Variants in KMT2C observed in about 807,000 individuals in gnomAD.
KMT2C encodes lysine methyltransferase 2C.
A neutral mutation model predicts 507.9 loss-of-function variants in KMT2C; 88 were observed. The ratio of observed to expected loss-of-function variants is 0.17; its 90% CI spans 0.15 to 0.21. The LOEUF (loss-of-function observed/expected upper bound fraction) is 0.21. KMT2C is among the 10% of genes least tolerant of loss of function. The pLI is 1.00. For missense variants in KMT2C, 4,954 were observed against 5,957.8 expected (o/e 0.83, Z 5.55); for synonymous variants, 2,049 against 2,080.8 (o/e 0.98, Z 0.42).
chr7:152,409,550 T>C (rs1387986658), intron 1 of KMT2C, among the ~76,000 whole-genome samples: 5 of 145,234 alleles, frequency 3.4e-5, no homozygotes, highest in Admixed American at 6.9e-5. Flanking sequence ...AAACCCCATG[T>C]CTGCTAAAAA....
chr7:152,142,978 A>G (rs2090741301), intron 55 of KMT2C, among the ~76,000 whole-genome samples: 1 of 152,230 alleles, frequency 6.6e-6, no homozygotes, highest in Non-Finnish European at 1.5e-5. Context: ...AAATAAGTAA[A>G]GAGACAGAAA....
rs375641324 is a variant in KMT2C at position 152,315,140 on chromosome 7, T to C, written c.588A>G (p.Arg196=). 6.2e-7 allele frequency: 1 copy of C among 1,613,560 alleles called. No individual in the cohort carries two copies. Among genetic ancestry groups the C allele is most frequent in the Non-Finnish European group, 8.5e-7 (1 of 1,179,674 alleles). Residue 196 remains arginine (R), a splice_region_variant and synonymous_variant, in exon 4 of 59, where the codon AGA becomes AGG. Coordinates refer to ENST00000262189, the MANE Select transcript of KMT2C (RefSeq NM_170606.3). ...CATTTAAAGTCGAAACTGCTTACTT[T>C]CTCTGTCCTCTTTGTTTTCGTGGTG... The part of the protein sequence containing the change: ...NSAPRKQRGQ[R]KERSPQQNIV...
intron 9 of KMT2C, among the ~76,000 whole-genome samples, chr7:152,259,530 C>CTA (rs574435429): frequency 3.0e-4 from 45 of 150,788 alleles, no homozygotes; most frequent in African/African-American, 1.0e-3. Flanking sequence ...CAATGAAATG[C>CTA]TAACAACTGA....
intron 7 of KMT2C, among the ~76,000 whole-genome samples, chr7:152,267,499 T>A (rs1387184328): frequency 1.3e-5 from 2 of 152,182 alleles, no homozygotes; most frequent in Admixed American, 1.3e-4. Flanking sequence ...ACATCATTCT[T>A]CCTTGTATGT....
At chr7:152,290,258 G>GTATATATATATATA (rs746466676) in intron 6 of KMT2C, among the ~76,000 whole-genome samples, 14 of 26,260 alleles carry the variant, frequency 5.3e-4, no homozygotes, top group Admixed American at 1.6e-3. Flanking sequence ...GTGTGTATGT[G>GTATATATATATATA]TATATATATA....
chr7:152,380,216 G>A (rs1240166162), intron 1 of KMT2C, among the ~76,000 whole-genome samples: 1 of 148,492 alleles, frequency 6.7e-6, no homozygotes, highest in African/African-American at 2.5e-5. Context: ...CTCCAGGATG[G>A]GCAACAGAGC....
chr7:152,220,981 G>C (rs1371020506), intron 22 of KMT2C, among the ~76,000 whole-genome samples: 4 of 152,300 alleles, frequency 2.6e-5, no homozygotes, highest in Admixed American at 2.0e-4. Flanking sequence ...TGGGCCAGGT[G>C]CAGGGGCTCA....
chr7:152,297,055 C>CAGACAGAAAGAGAGAG (rs1315629061), intron 6 of KMT2C, among the ~76,000 whole-genome samples: 17 of 84,430 alleles, frequency 2.0e-4, no homozygotes, highest in African/African-American at 8.2e-4. Flanking sequence ...GAAAGAAAGA[C>CAGACAGAAAGAGAGAG]AGAGAGAGAG....
intron 2 of KMT2C, among the ~76,000 whole-genome samples, chr7:152,358,197 CCATAACGAAACATACTA>C (rs2097167799): frequency 6.6e-6 from 1 of 152,156 alleles, no homozygotes; most frequent in African/African-American, 2.4e-5. Context: ...AATATTAATT[CCATAACGAAACATACTA>C]CTTTTTTCAG....
intron 6 of KMT2C, among the ~76,000 whole-genome samples, chr7:152,295,869 A>G (rs1339790298): frequency 6.6e-6 from 1 of 151,532 alleles, no homozygotes; most frequent in Non-Finnish European, 1.5e-5. Flanking sequence ...GATCGAGACC[A>G]TCCTAGCTAA....
chr7:152,391,142 C>CAAAAA (rs1195125465), intron 1 of KMT2C, among the ~76,000 whole-genome samples: 3,241 of 34,652 alleles, frequency 0.094, 830 homozygotes, highest in Middle Eastern at 0.18. Flanking sequence ...AGACTGTCTC[C>CAAAAA]AAAAAAAAAA....
intron 2 of KMT2C, among the ~76,000 whole-genome samples, chr7:152,348,873 CA>C (rs2129224820): frequency 6.6e-6 from 1 of 152,216 alleles, no homozygotes; most frequent in East Asian, 1.9e-4. Context: ...TGCAAAATGG[CA>C]CAGCCACTTT....
chr7:152,373,204 C>G (rs554712974), intron 1 of KMT2C, among the ~76,000 whole-genome samples: 1 of 152,242 alleles, frequency 6.6e-6, no homozygotes, highest in East Asian at 1.9e-4. Flanking sequence ...ACGGGTTCCG[C>G]ATCTGTAAAT....
rs548597126 is a variant in KMT2C, at chr7:152,368,623, A to G, written c.162-9948T>C. 2.1e-5 allele frequency: 30 copies of G among 1,457,590 alleles called. No individual in the cohort carries two copies. In the African/African-American group the frequency reaches 3.9e-4, roughly 19 times the overall value. The allele number at this position is 1,457,590 out of a possible 1,614,324, so 90.3% of individuals were successfully genotyped here. Reference sequence around the variant, plus strand: ...TATTTTAGAACAGAACTCTTCGAGAACCTTGGAAAAGAACAAGAAGAAAGG... The same window carrying G: ...TATTTTAGAACAGAACTCTTCGAGAGCCTTGGAAAAGAACAAGAAGAAAGG... On this transcript the variant is annotated intron_variant, in intron 1 of 58. Coordinates refer to ENST00000262189, the MANE Select transcript of KMT2C (RefSeq NM_170606.3).
At chr7:152,224,933 C>T (rs984090586) in intron 18 of KMT2C, among the ~76,000 whole-genome samples, 8 of 152,272 alleles carry the variant, frequency 5.3e-5, no homozygotes, top group Middle Eastern at 3.4e-3. Flanking sequence ...ATCAAGTAAG[C>T]TTCCCTATTA....
chr7:152,142,950 T>C (rs1174909568), intron 55 of KMT2C, among the ~76,000 whole-genome samples: 1 of 152,044 alleles, frequency 6.6e-6, no homozygotes, highest in Admixed American at 6.6e-5. Flanking sequence ...GGTGGACAGA[T>C]GGGAGGGTGG....
intron 1 of KMT2C, among the ~76,000 whole-genome samples, chr7:152,360,594 G>C (rs2097188856): frequency 6.6e-6 from 1 of 152,062 alleles, no homozygotes; most frequent in Non-Finnish European, 1.5e-5. Context: ...AGCACTCTGA[G>C]AGGCCGAGGC....
chr7:152,423,269 G>A (rs1297798040), intron 1 of KMT2C, among the ~76,000 whole-genome samples: 1 of 152,174 alleles, frequency 6.6e-6, no homozygotes, highest in Non-Finnish European at 1.5e-5. Context: ...GAACTCGGGA[G>A]GCGGAGGTTG....
chr7:152,243,911 T>A (rs1441395527), intron 14 of KMT2C, among the ~76,000 whole-genome samples: 1 of 152,218 alleles, frequency 6.6e-6, no homozygotes, highest in Non-Finnish European at 1.5e-5. Flanking sequence ...GTGTCTGAAC[T>A]AGATCATAGT....
Sources: allele counts gnomAD v4.1 joint callset (sites outside exome capture counted in the v4.1 genomes callset), GRCh38; gene constraint gnomAD v4.1.1; transcripts MANE v1.5; gene names NCBI Gene and HGNC (gene_info 2026-07-23, HGNC 2026-07-21).